The following SV2C variants were observed in gnomAD, a reference collection of about 807,000 sequenced individuals.
SV2C encodes the protein solute carrier family 22 member B3.
A neutral mutation model predicts 79.7 loss-of-function variants in SV2C; 49 were observed. The ratio of observed to expected loss-of-function variants is 0.61; its 90% CI spans 0.49 to 0.78. The LOEUF (loss-of-function observed/expected upper bound fraction) is 0.78. Ranked by LOEUF, SV2C falls within the 30% of genes least tolerant of loss-of-function variation. The pLI, the probability that SV2C is intolerant of heterozygous loss-of-function variation, is 0.00. For synonymous variants in SV2C, 334 were observed against 333.2 expected (o/e 1.00, Z -0.03); for missense variants, 833 against 912.9 (o/e 0.91, Z 1.13).
chr5:76,113,993 G>T (rs73130242), intron 1 of SV2C, among the ~76,000 whole-genome samples: 1 of 152,120 alleles, frequency 6.6e-6, no homozygotes. Context: ...CTCGAATGGC[G>T]TTTTCTCAGC....
intron 4 of SV2C, among the ~76,000 whole-genome samples, chr5:76,236,587 G>T (rs1291963170): frequency 1.3e-5 from 2 of 151,928 alleles, no homozygotes; most frequent in East Asian, 3.9e-4. Flanking sequence ...AATAAAGAGA[G>T]AGAGAGAGAA....
At chr5:75,876,930 A>G in the SV2C span, among the ~76,000 whole-genome samples, 638 of 152,276 alleles carry the variant, frequency 4.2e-3, 2 homozygotes, top group Non-Finnish European at 7.0e-3. Context: ...AAAGAAAAAT[A>G]GTGACATAAA....
chr5:75,961,876 A>T, the SV2C span, among the ~76,000 whole-genome samples: 1 of 152,112 alleles, frequency 6.6e-6, no homozygotes. Context: ...ATTGTCAAAC[A>T]CATAGAAATG....
At chr5:76,244,150 G>A (rs1745877067) in intron 4 of SV2C, among the ~76,000 whole-genome samples, 1 of 152,176 alleles carries the variant, frequency 6.6e-6, no homozygotes. Context: ...ATGTGGGCAG[G>A]ACTTTGTCTC....
chr5:76,166,158 A>G (rs1021279279), intron 2 of SV2C, among the ~76,000 whole-genome samples: 3 of 152,224 alleles, frequency 2.0e-5, no homozygotes, highest in African/African-American at 7.2e-5. Flanking sequence ...AATAGAAATA[A>G]AGATACCCCG....
chr5:75,963,121 G>A, the SV2C span, among the ~76,000 whole-genome samples: 5 of 152,108 alleles, frequency 3.3e-5, no homozygotes, highest in Admixed American at 1.3e-4. Flanking sequence ...TGGGAAGGAA[G>A]GTCAGACTGA....
intron 4 of SV2C, among the ~76,000 whole-genome samples, chr5:76,237,920 T>G (rs550460018): frequency 6.6e-6 from 1 of 151,818 alleles, no homozygotes; most frequent in African/African-American, 2.4e-5. Context: ...TTGCTGAGAT[T>G]TATTGAGCCA....
chr5:75,950,081 A>G, the SV2C span, among the ~76,000 whole-genome samples: 2 of 152,160 alleles, frequency 1.3e-5, no homozygotes, highest in South Asian at 2.1e-4. Context: ...TGTAGCTCCC[A>G]GGGAAGTAGG....
intron 4 of SV2C, among the ~76,000 whole-genome samples, chr5:76,273,170 TAC>T (rs1554044456): frequency 0.011 from 1,366 of 121,990 alleles, 20 homozygotes; most frequent in Admixed American, 0.043. Context: ...TATATATATA[TAC>T]ACACATATAT....
chr5:75,998,034 C>G, the SV2C span, among the ~76,000 whole-genome samples: 1 of 152,052 alleles, frequency 6.6e-6, no homozygotes, highest in Admixed American at 6.6e-5. Context: ...AGTTCATGTC[C>G]TTTGTAGGGA....
At chr5:76,210,110 A>T (rs1471740300) in intron 4 of SV2C, among the ~76,000 whole-genome samples, 2 of 152,182 alleles carry the variant, frequency 1.3e-5, no homozygotes, top group African/African-American at 4.8e-5. Context: ...TGGGGGGAAA[A>T]TATTTTCCTC....
chr5:75,959,647 G>A, the SV2C span, among the ~76,000 whole-genome samples: 1 of 151,902 alleles, frequency 6.6e-6, no homozygotes, highest in African/African-American at 2.4e-5. Context: ...TATGATAATT[G>A]GGGGAAATAT....
the SV2C span, among the ~76,000 whole-genome samples, chr5:75,947,940 C>T: frequency 3.2e-4 from 48 of 151,954 alleles, no homozygotes; most frequent in East Asian, 8.6e-3. Context: ...CTCCATAAAA[C>T]ATCAGTGAAC....
chr5:76,081,257 T>C (rs1746982794), upstream of SV2C, among the ~76,000 whole-genome samples: 1 of 152,224 alleles, frequency 6.6e-6, no homozygotes, highest in African/African-American at 2.4e-5. Context: ...TTTCATGGTT[T>C]TCTGAACTTC....
chr5:76,094,737 C>G (rs533104027), intron 1 of SV2C, among the ~76,000 whole-genome samples: 1 of 152,216 alleles, frequency 6.6e-6, no homozygotes, highest in African/African-American at 2.4e-5. Context: ...TTCTGTATAT[C>G]TTCTCTGATG....
chr5:76,067,468 G>A, the SV2C span, among the ~76,000 whole-genome samples: 1 of 151,492 alleles, frequency 6.6e-6, no homozygotes, highest in Non-Finnish European at 1.5e-5. Context: ...TTGCTTTTAA[G>A]CTTAGAAATT....
At chr5:76,269,534 T>A (rs7735980) in intron 4 of SV2C, among the ~76,000 whole-genome samples, 129,324 of 151,990 alleles carry the variant, frequency 0.85, 55,363 homozygotes, top group Middle Eastern at 0.95. Flanking sequence ...ATATTCAAGG[T>A]ATCTGCTGCG....
intron 4 of SV2C, among the ~76,000 whole-genome samples, chr5:76,269,179 G>A (rs1027940700): frequency 3.3e-5 from 5 of 152,120 alleles, no homozygotes; most frequent in Admixed American, 1.3e-4. Context: ...AGCATCCATG[G>A]CCTCTACCTA....
chr5:75,912,012 C>T, the SV2C span: 2 of 283,534 alleles, frequency 7.1e-6, no homozygotes, highest in African/African-American at 2.2e-5. Context: ...AAAGACCTGA[C>T]ATTAATGGAG....
Sources: allele counts gnomAD v4.1 joint callset (sites outside exome capture counted in the v4.1 genomes callset), GRCh38; gene constraint gnomAD v4.1.1; transcripts MANE v1.5; gene names NCBI Gene and HGNC (gene_info 2026-07-23, HGNC 2026-07-21).